Variants in PTPRT observed in about 807,000 individuals in gnomAD.
The protein encoded by PTPRT is protein tyrosine phosphatase receptor type T.
Under a neutral mutation model 176.8 loss-of-function variants are expected in PTPRT, and 56 were observed. That is an observed-to-expected ratio of 0.32 (90% CI 0.26 to 0.40). PTPRT has a LOEUF of 0.40. Among genes scored for constraint, PTPRT ranks in the 10% least tolerant of loss-of-function variants. The pLI is 1.00. For synonymous variants in PTPRT, 783 were observed against 739.0 expected (o/e 1.06, Z -0.96); for missense variants, 1,540 against 1,908.2 (o/e 0.81, Z 3.60).
At chr20:42,953,576 G>T (rs1188428008) in intron 1 of PTPRT, among the ~76,000 whole-genome samples, 1 of 152,180 alleles carries the variant, frequency 6.6e-6, no homozygotes, top group Non-Finnish European at 1.5e-5. Context: ...TCCACCTGCA[G>T]TTAACCCTGT....
chr20:42,801,336 C>A (rs558708756), intron 2 of PTPRT, among the ~76,000 whole-genome samples: 3 of 152,154 alleles, frequency 2.0e-5, no homozygotes, highest in Non-Finnish European at 2.9e-5. Flanking sequence ...CCCCTCAAAT[C>A]CTCAACTACT....
intron 16 of PTPRT, among the ~76,000 whole-genome samples, chr20:42,178,658 G>A (rs1002560746): frequency 6.6e-6 from 1 of 152,170 alleles, no homozygotes; most frequent in African/African-American, 2.4e-5. Flanking sequence ...GTGTATCTCT[G>A]GCTCAAGGTC....
At chr20:42,522,855 G>A (rs2072201607) in intron 7 of PTPRT, among the ~76,000 whole-genome samples, 1 of 152,112 alleles carries the variant, frequency 6.6e-6, no homozygotes, top group Non-Finnish European at 1.5e-5. Context: ...GCATTTAGAA[G>A]AGAATATAGT....
At chr20:42,783,696 T>C (rs2077248180) in intron 3 of PTPRT, among the ~76,000 whole-genome samples, 1 of 152,116 alleles carries the variant, frequency 6.6e-6, no homozygotes. Context: ...GCCAAGGTGT[T>C]CTGAGGAGAG....
intron 19 of PTPRT, among the ~76,000 whole-genome samples, chr20:42,123,565 G>T: frequency 6.6e-6 from 1 of 152,132 alleles, no homozygotes; most frequent in East Asian, 1.9e-4. Context: ...ACCTAGTTTG[G>T]GCATCTTGAC....
intron 3 of PTPRT, 115 bp downstream of exon 3, chr20:42,791,080 A>G: frequency 7.6e-7 from 1 of 1,320,032 alleles, no homozygotes; most frequent in Middle Eastern, 2.5e-4. Context: ...GGAGAAGCAC[A>G]GTAAACACGA....
chr20:42,034,180 G>A, the PTPRT span, among the ~76,000 whole-genome samples: 4 of 152,168 alleles, frequency 2.6e-5, no homozygotes, highest in African/African-American at 9.7e-5. Flanking sequence ...TGAGACTGCA[G>A]TCTCACCTGA....
Position 42,079,567 on chromosome 20 carries a change from G to A in PTPRT, c.*1312C>T, listed in dbSNP as rs1305823428. 8.9e-6 allele frequency: 2 copies of A among 224,608 alleles called. No homozygotes were observed. The highest frequency in any genetic ancestry group is 1.8e-5 in the Non-Finnish European group (2 of 112,706). The allele number at this position is 224,608 out of a possible 1,614,324, so 13.9% of individuals were successfully genotyped here. ...CAAGCATGATCCCTGGCATACAGTA[G>A]AGACTTAGCAAATGTTGGTTCCCTC... On this transcript the variant is annotated 3_prime_UTR_variant, in exon 31 of 31. Coordinates refer to ENST00000373187, the MANE Select transcript of PTPRT (RefSeq NM_007050.6).
At chr20:42,160,124 C>T (rs147802535) in intron 17 of PTPRT, among the ~76,000 whole-genome samples, 112 of 151,504 alleles carry the variant, frequency 7.4e-4, no homozygotes, top group Non-Finnish European at 1.1e-3. Flanking sequence ...CTGGGGCACA[C>T]GCTGCATGTG....
chr20:42,829,827 C>T (rs747875665), intron 2 of PTPRT, among the ~76,000 whole-genome samples: 1 of 152,118 alleles, frequency 6.6e-6, no homozygotes, highest in Non-Finnish European at 1.5e-5. Context: ...CACCTCTATG[C>T]CCACAAACTA....
intron 2 of PTPRT, among the ~76,000 whole-genome samples, chr20:42,816,172 G>A (rs2077781171): frequency 6.6e-6 from 1 of 152,162 alleles, no homozygotes; most frequent in African/African-American, 2.4e-5. Flanking sequence ...GGTGGCTCTG[G>A]AAGTGAGTAA....
At chr20:42,852,121 A>G (rs2078483262) in intron 2 of PTPRT, among the ~76,000 whole-genome samples, 1 of 152,164 alleles carries the variant, frequency 6.6e-6, no homozygotes, top group African/African-American at 2.4e-5. Context: ...CCCTTCTATT[A>G]AGGGACAAAA....
At chr20:42,436,683 C>A (rs2059264839) in intron 9 of PTPRT, among the ~76,000 whole-genome samples, 1 of 152,136 alleles carries the variant, frequency 6.6e-6, no homozygotes, top group Non-Finnish European at 1.5e-5. Context: ...GATAGAAATT[C>A]AGGAGAAAAT....
intron 1 of PTPRT, among the ~76,000 whole-genome samples, chr20:43,012,738 G>T (rs1338336904): frequency 6.6e-6 from 1 of 152,024 alleles, no homozygotes; most frequent in Non-Finnish European, 1.5e-5. Flanking sequence ...TGGGGAGTTG[G>T]CTCCTTGGCA....
chr20:42,493,927 C>T (rs1219902737), intron 7 of PTPRT, among the ~76,000 whole-genome samples: 3 of 152,090 alleles, frequency 2.0e-5, no homozygotes, highest in Admixed American at 1.3e-4. Context: ...CATTTAACCT[C>T]CCCATCTTCA....
intron 1 of PTPRT, among the ~76,000 whole-genome samples, chr20:43,021,135 A>C (rs1388136271): frequency 6.6e-6 from 1 of 152,218 alleles, no homozygotes; most frequent in Non-Finnish European, 1.5e-5. Context: ...CAATTAAATA[A>C]AGAAATTAAG....
intron 7 of PTPRT, among the ~76,000 whole-genome samples, chr20:42,672,100 G>A (rs2075422712): frequency 6.6e-6 from 1 of 152,216 alleles, no homozygotes; most frequent in South Asian, 2.1e-4. Flanking sequence ...GTGTCAACTT[G>A]ATTGGATTGA....
At chr20:42,706,705 T>G (rs2076065409) in intron 6 of PTPRT, among the ~76,000 whole-genome samples, 1 of 152,166 alleles carries the variant, frequency 6.6e-6, no homozygotes, top group African/African-American at 2.4e-5. Context: ...GAATCAACAA[T>G]GATTATTACA....
At chr20:43,050,433 C>T (rs971338234) in intron 1 of PTPRT, among the ~76,000 whole-genome samples, 1 of 152,236 alleles carries the variant, frequency 6.6e-6, no homozygotes, top group Non-Finnish European at 1.5e-5. Flanking sequence ...AGCAAGGCCA[C>T]GGCCACCCAG....
Sources: gnomAD v4.1 joint callset for allele counts (sites outside exome capture counted in the v4.1 genomes callset) on GRCh38, gnomAD v4.1.1 for gene constraint, MANE v1.5 for transcripts, NCBI Gene and HGNC (gene_info 2026-07-23, HGNC 2026-07-21) for gene names.